SLC6A16: variants seen among roughly 807,000 people sequenced by gnomAD.
SLC6A16 encodes orphan sodium- and chloride-dependent neurotransmitter transporter NTT5.
SLC6A16 carries 54 observed loss-of-function variants against 65.4 expected under a neutral mutation model. The ratio of observed to expected loss-of-function variants is 0.83; its 90% CI spans 0.66 to 1.04. SLC6A16 has a LOEUF of 1.04. Ranked by LOEUF, SLC6A16 falls within the 50% of genes least tolerant of loss-of-function variation. The pLI, the probability that SLC6A16 is intolerant of heterozygous loss-of-function variation, is 0.00. For missense variants in SLC6A16, 816 were observed against 914.0 expected, an observed-to-expected ratio of 0.89 and a Z score of 1.38; for synonymous variants, 330 against 346.5, an observed-to-expected ratio of 0.95 and a Z score of 0.53.
the SLC6A16 span, chr19:49,339,941 T>C: frequency 7.2e-7 from 1 of 1,384,492 alleles, no homozygotes; most frequent in African/African-American, 1.5e-5. This position sits in a 1 kb window ranked among gnomAD's most constrained non-coding sequence, Gnocchi z 4.5. Context: ...GGCGCAGAAT[T>C]AGAGGAGGCA....
chr19:49,333,871 G>A, the SLC6A16 span, among the ~76,000 whole-genome samples: 1 of 152,344 alleles, frequency 6.6e-6, no homozygotes, highest in East Asian at 1.9e-4. Flanking sequence ...AGAGGCCACT[G>A]GGTGTGCACC....
At chr19:49,290,470 G>C in intron 11 of SLC6A16, 78 bp from the exon 12 acceptor site, 2 of 1,571,344 alleles carry the variant, frequency 1.3e-6, no homozygotes, top group Non-Finnish European at 1.7e-6. Context: ...GGAAGGATGG[G>C]TGGGGAACCA....
At chr19:49,301,377 C>T (rs1970289230) in intron 7 of SLC6A16, among the ~76,000 whole-genome samples, 1 of 152,152 alleles carries the variant, frequency 6.6e-6, no homozygotes, top group South Asian at 2.1e-4. Context: ...CCGAGACTTA[C>T]GGAGATAATG....
At chr19:49,332,873 G>A in the SLC6A16 span, among the ~76,000 whole-genome samples, 2 of 152,144 alleles carry the variant, frequency 1.3e-5, no homozygotes, top group Non-Finnish European at 2.9e-5. Context: ...AGAAACAGAA[G>A]CTGAGGGGCT....
the SLC6A16 span, chr19:49,337,616 AAATT>A: frequency 6.8e-7 from 1 of 1,464,854 alleles, no homozygotes; most frequent in African/African-American, 1.4e-5. Context: ...CTCAAAAAAT[AAATT>A]AATAGAAAGA....
At chr19:49,332,697 G>A in the SLC6A16 span, among the ~76,000 whole-genome samples, 1 of 152,180 alleles carries the variant, frequency 6.6e-6, no homozygotes, top group Non-Finnish European at 1.5e-5. Flanking sequence ...TGGGGATTAG[G>A]ACATAGACAT....
At chr19:49,328,269 T>G (rs1970817510), upstream of SLC6A16, among the ~76,000 whole-genome samples, 1 of 152,150 alleles carries the variant, frequency 6.6e-6, no homozygotes, top group Non-Finnish European at 1.5e-5. Flanking sequence ...AGGCACCTTC[T>G]TCACAAGCAA....
At chr19:49,334,404 C>T in the SLC6A16 span, among the ~76,000 whole-genome samples, 17 of 151,228 alleles carry the variant, frequency 1.1e-4, no homozygotes, top group African/African-American at 3.7e-4. Flanking sequence ...AAGGATTGCT[C>T]GAGCCTGGGA....
intron 1 of SLC6A16, among the ~76,000 whole-genome samples, chr19:49,317,916 CA>C (rs1452789246): frequency 6.6e-6 from 1 of 152,132 alleles, no homozygotes; most frequent in East Asian, 1.9e-4. Flanking sequence ...TAACTAATTG[CA>C]CGATTGCCCC....
the SLC6A16 span, chr19:49,336,693 A>G: frequency 9.4e-6 from 5 of 533,220 alleles, no homozygotes; most frequent in Admixed American, 1.0e-4. Flanking sequence ...AGGAGAGGGT[A>G]AGAGGAAGAG....
At chr19:49,309,954 C>G (rs1258569693) in intron 4 of SLC6A16, 86 bp downstream of exon 4, 1 of 1,517,508 alleles carries the variant, frequency 6.6e-7, no homozygotes, top group African/African-American at 1.4e-5. Flanking sequence ...TCTTCCTTGT[C>G]CCTCCCCACT....
intron 1 of SLC6A16, among the ~76,000 whole-genome samples, chr19:49,323,599 T>A (rs1450927485): frequency 6.6e-6 from 1 of 152,192 alleles, no homozygotes; most frequent in Non-Finnish European, 1.5e-5. Context: ...CTCCAAGAAG[T>A]ACATGAAAAG....
upstream of SLC6A16, among the ~76,000 whole-genome samples, chr19:49,326,703 T>C (rs1970801370): frequency 6.6e-6 from 1 of 152,090 alleles, no homozygotes; most frequent in Non-Finnish European, 1.5e-5. Flanking sequence ...CTCAAATAAT[T>C]ACATGATTAT....
At chr19:49,291,703 T>C (rs573571072) in intron 10 of SLC6A16, among the ~76,000 whole-genome samples, 24 of 152,168 alleles carry the variant, frequency 1.6e-4, no homozygotes, top group Non-Finnish European at 1.5e-5. Flanking sequence ...ATCTAGTTTA[T>C]TTCAGCCAAC....
the SLC6A16 span, chr19:49,340,179 G>A: frequency 1.4e-6 from 2 of 1,460,610 alleles, no homozygotes; most frequent in East Asian, 2.4e-5. Context: ...GACCTTTCTC[G>A]CCCGGGTGGG....
Position 49,293,841 on chromosome 19 carries a change from G to C in SLC6A16, c.1604C>G (p.Thr535Arg). The C allele has an allele frequency of 5.0e-6, 8 of 1,613,924 alleles. No homozygotes were observed. The highest frequency in any genetic ancestry group is 6.8e-6 in the Non-Finnish European group (8 of 1,179,918). ...QDTFSFFRKH[T>R]KLLIVGVFLL... ...GGTCAGAGTACCTATGAGCAGCTTT[G>C]TATGTTTCCTGAAGAAAGAGAAGGT... Residue 535 changes from threonine to arginine, a missense_variant, in exon 9 of 12, where the codon ACA becomes AGA. Transcript: ENST00000335875.
the SLC6A16 span, chr19:49,339,770 A>ACGG: frequency 2.9e-6 from 4 of 1,373,310 alleles, no homozygotes; most frequent in African/African-American, 1.5e-5. This position sits in a 1 kb window ranked among gnomAD's most constrained non-coding sequence, Gnocchi z 4.5. Context: ...CTGATCGCTG[A>ACGG]CGGCGGCGGC....
the SLC6A16 span, among the ~76,000 whole-genome samples, chr19:49,330,386 T>C: frequency 7.9e-5 from 12 of 152,090 alleles, no homozygotes; most frequent in African/African-American, 2.4e-4. Context: ...TCAACAGTAT[T>C]GTAGATTGCG....
At chr19:49,329,951 GAAAGA>G (rs1471180714), upstream of SLC6A16, among the ~76,000 whole-genome samples, 3 of 152,002 alleles carry the variant, frequency 2.0e-5, no homozygotes, top group South Asian at 2.1e-4. Context: ...TCTCTTAAAG[GAAAGA>G]AAAGTGTTTT....
Sources: allele counts gnomAD v4.1 joint callset (sites outside exome capture counted in the v4.1 genomes callset), GRCh38; gene constraint gnomAD v4.1.1; non-coding constraint Gnocchi (gnomAD v3.1); transcripts MANE v1.5; gene names NCBI Gene and HGNC (gene_info 2026-07-23, HGNC 2026-07-21).